Variants in NBAS observed in about 807,000 individuals in gnomAD.
NBAS encodes the protein NBAS subunit of NRZ tethering complex.
In NBAS, 219 loss-of-function variants were observed where a neutral mutation model predicts 302.5. The observed-to-expected ratio is 0.72, with a 90% CI of 0.65 to 0.81. NBAS has a LOEUF of 0.81. Ranked by LOEUF, NBAS falls within the 30% of genes least tolerant of loss-of-function variation. The probability of loss-of-function intolerance (pLI) is 0.00; values close to 1 mark genes in which losing one functional copy is unlikely to be tolerated. For synonymous variants in NBAS, 1,118 were observed against 1,021.6 expected, an observed-to-expected ratio of 1.09 and a Z score of -1.80; for missense variants, 2,932 against 2,841.6, an observed-to-expected ratio of 1.03 and a Z score of -0.72.
chr2:15,300,849 G>T (rs1299314793), intron 40 of NBAS, among the ~76,000 whole-genome samples: 1 of 152,230 alleles, frequency 6.6e-6, no homozygotes, highest in African/African-American at 2.4e-5. Context: ...AGACTTGCCT[G>T]CCCACAGCGG....
chr2:15,138,459 T>C, the NBAS span, among the ~76,000 whole-genome samples: 8 of 152,176 alleles, frequency 5.3e-5, no homozygotes, highest in Non-Finnish European at 1.0e-4. Context: ...ACAATGGTTA[T>C]GACTCACAGA....
downstream of NBAS, among the ~76,000 whole-genome samples, chr2:15,166,372 C>T (rs12611709): frequency 0.052 from 7,906 of 152,156 alleles, 456 homozygotes; most frequent in African/African-American, 0.13. Flanking sequence ...TTGAAGCCCT[C>T]TAATCAGACA....
the NBAS span, among the ~76,000 whole-genome samples, chr2:15,027,602 C>A: frequency 0.8 from 121,581 of 152,008 alleles, 49,102 homozygotes; most frequent in East Asian, 1. Flanking sequence ...TCTTCTTTCC[C>A]AATGTTTTCA....
chr2:15,547,954 T>C (rs1167556728), intron 6 of NBAS, among the ~76,000 whole-genome samples: 1 of 152,228 alleles, frequency 6.6e-6, no homozygotes, highest in Non-Finnish European at 1.5e-5. Flanking sequence ...TCCACCCTTA[T>C]TGCTCTATTC....
At chr2:15,339,876 G>A (rs1476307440) in intron 35 of NBAS, among the ~76,000 whole-genome samples, 3 of 151,316 alleles carry the variant, frequency 2.0e-5, no homozygotes, top group Non-Finnish European at 4.4e-5. Context: ...CAAGTAGAAG[G>A]ATCCAGAGGC....
At chr2:15,228,467 T>A (rs527659807) in intron 47 of NBAS, among the ~76,000 whole-genome samples, 1 of 152,354 alleles carries the variant, frequency 6.6e-6, no homozygotes, top group South Asian at 2.1e-4. Context: ...TACCATTTGA[T>A]GCAGCAATCC....
chr2:15,304,091 C>T (rs1392837728), intron 40 of NBAS, among the ~76,000 whole-genome samples: 2 of 152,280 alleles, frequency 1.3e-5, no homozygotes, highest in East Asian at 3.9e-4. Context: ...TTTGTGTCCC[C>T]ACCCAAACCT....
At chr2:15,507,755 C>T (rs903547557) in intron 10 of NBAS, among the ~76,000 whole-genome samples, 1 of 152,212 alleles carries the variant, frequency 6.6e-6, no homozygotes, top group African/African-American at 2.4e-5. Context: ...CCCTTGAGGG[C>T]TGCCACCAGT....
intron 35 of NBAS, among the ~76,000 whole-genome samples, chr2:15,335,394 T>C (rs1381914920): frequency 2.6e-5 from 4 of 152,210 alleles, no homozygotes; most frequent in Non-Finnish European, 5.9e-5. Flanking sequence ...TATACATATG[T>C]CCAGATTTAG....
the NBAS span, among the ~76,000 whole-genome samples, chr2:14,883,739 G>A: frequency 6.6e-6 from 1 of 152,208 alleles, no homozygotes; most frequent in East Asian, 1.9e-4. Flanking sequence ...GGGGGACCAA[G>A]GCAGGGGATC....
chr2:15,006,177 G>A, the NBAS span, among the ~76,000 whole-genome samples: 1 of 152,114 alleles, frequency 6.6e-6, no homozygotes, highest in Admixed American at 6.5e-5. Flanking sequence ...GTGCTAATGA[G>A]CACGTATTAT....
intron 40 of NBAS, among the ~76,000 whole-genome samples, chr2:15,295,711 A>G (rs1462030304): frequency 1.3e-5 from 2 of 152,170 alleles, no homozygotes; most frequent in Non-Finnish European, 2.9e-5. Flanking sequence ...GATCATGTGT[A>G]TATCATAATT....
the NBAS span, among the ~76,000 whole-genome samples, chr2:14,885,973 C>T: frequency 5.7e-3 from 874 of 152,278 alleles, 14 homozygotes; most frequent in African/African-American, 0.02. Context: ...ATAAAGAGAA[C>T]GAGCAACTTC....
the NBAS span, among the ~76,000 whole-genome samples, chr2:14,786,331 C>T: frequency 6.6e-6 from 1 of 151,992 alleles, no homozygotes; most frequent in African/African-American, 2.4e-5. Flanking sequence ...TTCAGTTCTG[C>T]TCTGATTTTA....
In NBAS at chr2:15,379,950, G is replaced by A. The variant is rs192747148; in HGVS notation, c.3361-119C>T. On this transcript the variant is annotated intron_variant, in intron 29 of 51. Transcript: ENST00000281513. ...AAACACATCCACCCTAGAGGTGGTG[G>A]CTGCACAGCACTGTAAATGTACTAA... 38 of 844,518 alleles carry A rather than the reference G, an allele frequency of 4.5e-5. 1 individual carries two copies. The African/African-American group carries it at 6.4e-4, about 14-fold the overall frequency. 52.3% of individuals were successfully genotyped at this position (844,518 alleles called of 1,614,324 possible). A position where few individuals can be genotyped will look rare whatever the true frequency, so the allele number is the denominator to read the frequency against.
intron 16 of NBAS, among the ~76,000 whole-genome samples, chr2:15,471,544 T>G (rs897243459): frequency 2.6e-5 from 4 of 152,246 alleles, no homozygotes; most frequent in Non-Finnish European, 4.4e-5. Flanking sequence ...AGTCTCAACC[T>G]TTTTAAAAGT....
chr2:14,919,295 T>A, the NBAS span, among the ~76,000 whole-genome samples: 3 of 152,226 alleles, frequency 2.0e-5, no homozygotes, highest in Non-Finnish European at 4.4e-5. Context: ...GATAACATTA[T>A]GTCTAAAAAA....
At chr2:15,493,420 T>C (rs899322090) in intron 11 of NBAS, among the ~76,000 whole-genome samples, 2 of 151,996 alleles carry the variant, frequency 1.3e-5, no homozygotes, top group African/African-American at 2.4e-5. Flanking sequence ...GTAATCCCAG[T>C]ACTATGGGAG....
intron 50 of NBAS, among the ~76,000 whole-genome samples, chr2:15,184,222 A>G (rs13403355): frequency 1.6e-4 from 24 of 152,130 alleles, no homozygotes; most frequent in Non-Finnish European, 2.2e-4. Flanking sequence ...TGGTCCCTAT[A>G]GGTCGTTTTG....
Sources: gnomAD v4.1 joint callset for allele counts (sites outside exome capture counted in the v4.1 genomes callset) on GRCh38, gnomAD v4.1.1 for gene constraint, MANE v1.5 for transcripts, NCBI Gene and HGNC (gene_info 2026-07-23, HGNC 2026-07-21) for gene names.